NALF1: variants seen among roughly 807,000 people sequenced by gnomAD.
The protein encoded by NALF1 is family with sequence similarity 155 member A.
In NALF1, 3 loss-of-function variants were observed where a neutral mutation model predicts 48.4. That is an observed-to-expected ratio of 0.06 (90% CI 0.03 to 0.16). The LOEUF (loss-of-function observed/expected upper bound fraction) is 0.16. NALF1 is among the 10% of genes least tolerant of loss of function. The pLI, the probability that NALF1 is intolerant of heterozygous loss-of-function variation, is 1.00. For synonymous variants in NALF1, 262 were observed against 245.7 expected (o/e 1.07, Z -0.62); for missense variants, 526 against 571.5 (o/e 0.92, Z 0.81).
At chr13:107,429,664 A>G (rs777656176) in intron 1 of NALF1, among the ~76,000 whole-genome samples, 3 of 152,218 alleles carry the variant, frequency 2.0e-5, no homozygotes, top group Non-Finnish European at 4.4e-5. Flanking sequence ...TCAATGACTT[A>G]AGACTACATA....
intron 1 of NALF1, among the ~76,000 whole-genome samples, chr13:107,428,240 G>A (rs1054444719): frequency 6.6e-6 from 1 of 152,058 alleles, no homozygotes; most frequent in African/African-American, 2.4e-5. Context: ...GTGAGGTCAG[G>A]GATATTATTG....
chr13:107,702,143 G>A (rs189467297), intron 1 of NALF1, among the ~76,000 whole-genome samples: 5 of 152,198 alleles, frequency 3.3e-5, no homozygotes, highest in South Asian at 2.1e-4. Flanking sequence ...GTGTAATATC[G>A]AGAGTACGGA....
chr13:107,533,570 A>C (rs1292861897), intron 1 of NALF1, among the ~76,000 whole-genome samples: 1 of 152,148 alleles, frequency 6.6e-6, no homozygotes, highest in Non-Finnish European at 1.5e-5. Flanking sequence ...TATAAAGTAC[A>C]CAGTGTATGG....
chr13:107,349,179 A>T (rs1026018313), intron 1 of NALF1, among the ~76,000 whole-genome samples: 4 of 152,156 alleles, frequency 2.6e-5, no homozygotes, highest in Non-Finnish European at 4.4e-5. Flanking sequence ...TAGCCTGTGC[A>T]TTTTCAGATA....
rs754608397 is a variant in NALF1, at chr13:107,865,995, C to G, written c.602G>C (p.Gly201Ala). The change falls in exon 1 of 3, where the codon GGG becomes GCG. Residue 201 changes from glycine to alanine, a missense_variant. Physicochemically the swap from Gly to Ala is moderately conservative, Grantham distance 60 (BLOSUM62 0). Around this residue, in one of 2 missense-constraint regions of NALF1, gnomAD observed 373 missense variants for 355.5 expected, o/e 1.05. Coordinates refer to ENST00000375915, the MANE Select transcript of NALF1 (RefSeq NM_001080396.3). ...GCTCCTCACCTCCTGCCCGTCCCCC[C>G]CGGCCGCCCCCCGACTCCAGTTCCT... ...CARNWSRGAA[G>A]GDGQEVRSKH... The G allele has an allele frequency of 2.2e-5, 35 of 1,612,354 alleles. No homozygotes were observed. The highest frequency in any genetic ancestry group is 1.1e-4 in the African/African-American group (8 of 74,924).
At chr13:107,681,005 CTGTT>C (rs1881288361) in intron 1 of NALF1, among the ~76,000 whole-genome samples, 1 of 151,074 alleles carries the variant, frequency 6.6e-6, no homozygotes, top group Admixed American at 6.6e-5. Flanking sequence ...AGTTTTCTGC[CTGTT>C]TTTTTAAGTG....
chr13:107,335,055 T>C (rs949245029), intron 1 of NALF1, among the ~76,000 whole-genome samples: 17 of 152,134 alleles, frequency 1.1e-4, no homozygotes, highest in Admixed American at 6.5e-4. Flanking sequence ...CGTGATCTCC[T>C]CAATACCACG....
At chr13:107,410,129 G>T (rs1883965143) in intron 1 of NALF1, among the ~76,000 whole-genome samples, 1 of 152,176 alleles carries the variant, frequency 6.6e-6, no homozygotes, top group Admixed American at 6.5e-5. Flanking sequence ...GCTTGTCCAA[G>T]AAGTGGTAAA....
intron 1 of NALF1, among the ~76,000 whole-genome samples, chr13:107,718,479 C>T (rs1246803564): frequency 1.3e-5 from 2 of 152,118 alleles, no homozygotes; most frequent in East Asian, 3.9e-4. Flanking sequence ...AGATATTTTT[C>T]CTGGGGAGAA....
intron 1 of NALF1, among the ~76,000 whole-genome samples, chr13:107,842,529 G>GTTTT (rs1208551251): frequency 2.7e-5 from 4 of 147,908 alleles, no homozygotes; most frequent in African/African-American, 5.0e-5. Context: ...TATCTTTAGA[G>GTTTT]TTTTTTTTTT....
chr13:107,341,546 T>C (rs1158631049), intron 1 of NALF1, among the ~76,000 whole-genome samples: 1 of 152,014 alleles, frequency 6.6e-6, no homozygotes, highest in Admixed American at 6.6e-5. Flanking sequence ...ATAGTACTCA[T>C]GGAGGTGGTG....
intron 1 of NALF1, among the ~76,000 whole-genome samples, chr13:107,592,367 TA>T (rs1201894110): frequency 6.6e-6 from 1 of 151,916 alleles, no homozygotes; most frequent in Non-Finnish European, 1.5e-5. Context: ...TAGCTTATTC[TA>T]GCAAGAGGAA....
intron 1 of NALF1, among the ~76,000 whole-genome samples, chr13:107,778,442 G>T (rs2138576120): frequency 6.6e-6 from 1 of 152,306 alleles, no homozygotes; most frequent in South Asian, 2.1e-4. Context: ...AATTCTTAAA[G>T]GGGGTATGAT....
intron 1 of NALF1, among the ~76,000 whole-genome samples, chr13:107,832,823 C>G (rs1439075601): frequency 1.3e-5 from 2 of 152,182 alleles, no homozygotes; most frequent in Non-Finnish European, 2.9e-5. Flanking sequence ...CTCCTGACCC[C>G]CAGTTCAAGC....
intron 2 of NALF1, among the ~76,000 whole-genome samples, chr13:107,171,025 G>A (rs1878793079): frequency 6.6e-6 from 1 of 152,162 alleles, no homozygotes; most frequent in Admixed American, 6.5e-5. Flanking sequence ...AAAGTTCTGG[G>A]TTGTTGGGAA....
intron 1 of NALF1, among the ~76,000 whole-genome samples, chr13:107,811,693 A>C (rs1278400105): frequency 6.6e-6 from 1 of 152,202 alleles, no homozygotes; most frequent in African/African-American, 2.4e-5. Flanking sequence ...AAAGAAATGT[A>C]TTTGGCTCAT....
intron 1 of NALF1, among the ~76,000 whole-genome samples, chr13:107,764,377 G>C (rs1029128393): frequency 3.7e-4 from 57 of 152,046 alleles, no homozygotes; most frequent in African/African-American, 1.2e-3. Context: ...TGTTGTATGT[G>C]TATATATTAT....
intron 1 of NALF1, among the ~76,000 whole-genome samples, chr13:107,678,008 C>G (rs1594201390): frequency 6.6e-6 from 1 of 152,160 alleles, no homozygotes. Flanking sequence ...CTATATAAAG[C>G]CATGGCCCAA....
intron 1 of NALF1, among the ~76,000 whole-genome samples, chr13:107,715,608 G>A (rs1335320979): frequency 6.6e-6 from 1 of 152,172 alleles, no homozygotes; most frequent in African/African-American, 2.4e-5. Flanking sequence ...CATGTGATGA[G>A]CCGCCTGTGG....
Sources: gnomAD v4.1 joint callset for allele counts (sites outside exome capture counted in the v4.1 genomes callset) on GRCh38, gnomAD v4.1.1 for gene constraint, gnomAD v4.1.1 regional missense constraint, MANE v1.5 for transcripts, NCBI Gene and HGNC (gene_info 2026-07-23, HGNC 2026-07-21) for gene names.